GOLGA8J: variants seen among roughly 807,000 people sequenced by gnomAD.
The protein encoded by GOLGA8J is golgin A8 family member J, also known as golgin subfamily A member 8J.
In GOLGA8J, 19 loss-of-function variants were observed where a neutral mutation model predicts 67.7. The observed-to-expected ratio is 0.28, with a 90% CI of 0.20 to 0.41. The LOEUF (loss-of-function observed/expected upper bound fraction) is 0.41, where lower values mean the gene tolerates loss of function less well. Ranked by LOEUF, GOLGA8J falls within the 10% of genes least tolerant of loss-of-function variation. GOLGA8J has a pLI of 1.00. For missense variants in GOLGA8J, 205 were observed against 584.3 expected (o/e 0.35, Z 6.69); for synonymous variants, 69 against 215.9 (o/e 0.32, Z 5.97).
intron 2 of GOLGA8J, 151 bp downstream of exon 2, chr15:30,085,041 G>A (rs945853934): frequency 9.2e-6 from 1 of 108,482 alleles, no homozygotes; most frequent in African/African-American, 7.4e-5. Context: ...CTAGCACTTT[G>A]GGAGGCCAAG....
chr15:30,092,316 G>A (rs1257986189), intron 15 of GOLGA8J, among the ~76,000 whole-genome samples, 183 bp downstream of exon 15: 1 of 140,806 alleles, frequency 7.1e-6, no homozygotes, highest in Admixed American at 7.0e-5. Flanking sequence ...CCAAGGGAAG[G>A]GGTTGCGCTC....
chr15:30,089,873 C>T lies in GOLGA8J; in HGVS notation c.1048C>T (p.Leu350Phe), dbSNP rs1285338446. The change falls in exon 12 of 19, where the codon CTT (leucine) becomes TTT (phenylalanine). Residue 350 changes from leucine to phenylalanine, a missense_variant. Coordinates refer to ENST00000567927, the MANE Select transcript of GOLGA8J (RefSeq NM_001282472.2). ...EERIREQEER[L>F]RKQEERIQEQ... ...GAGGATTCGGGAGCAGGAAGAGAGGCTTCGGAAGCAGGAGGAGAGGATTCA... is the reference window on the plus strand; with the variant it reads ...GAGGATTCGGGAGCAGGAAGAGAGGTTTCGGAAGCAGGAGGAGAGGATTCA... 16 of 1,536,746 alleles carry T rather than the reference C, an allele frequency of 1.0e-5. 1 individual carries two copies. Among genetic ancestry groups the T allele is most frequent in the South Asian group, 8.2e-5 (7 of 85,266 alleles).
chr15:30,088,110 T>C (rs2057355925), intron 8 of GOLGA8J: 1 of 419,444 alleles, frequency 2.4e-6, no homozygotes, highest in Non-Finnish European at 4.5e-6. Flanking sequence ...AAAACATGTC[T>C]GCAAGGGTTC....
rs1280710410 is a variant in GOLGA8J at position 30,094,197 on chromosome 15, G to A, written c.*698G>A. 3.6e-4 allele frequency among the ~76,000 whole-genome samples: 51 copies of A among 142,754 alleles called. 7 individuals are homozygous for A. Among genetic ancestry groups the A allele is most frequent in the African/African-American group, 1.4e-3 (47 of 34,364 alleles). 93.7% of individuals were successfully genotyped at this position (142,754 alleles called of 152,430 possible). ...GGATAGAGTGTGTTTCATCTGTTCC[G>A]GTGCCCGGAATTAGCAGTGTATTAT... On this transcript the variant is annotated 3_prime_UTR_variant, in exon 19 of 19. Coordinates refer to ENST00000567927, the MANE Select transcript of GOLGA8J (RefSeq NM_001282472.2).
intron 13 of GOLGA8J, 124 bp downstream of exon 13, chr15:30,090,404 C>G (rs570273774): frequency 6.5e-7 from 1 of 1,528,666 alleles, no homozygotes; most frequent in South Asian, 1.2e-5. Flanking sequence ...CACAGCACCC[C>G]CCAGGGCAGT....
intron 1 of GOLGA8J, 21 bp from the exon 2 acceptor site, chr15:30,084,750 T>G: frequency 9.9e-7 from 1 of 1,010,622 alleles, no homozygotes; most frequent in East Asian, 2.8e-5. Context: ...TCATGAGTAT[T>G]ACTGCTCTTC....
At chr15:30,084,229 C>CATGAATG (rs1357633249) in intron 1 of GOLGA8J, among the ~76,000 whole-genome samples, 1 of 116,974 alleles carries the variant, frequency 8.5e-6, no homozygotes, top group African/African-American at 4.6e-5. Context: ...AGAGAAAAAA[C>CATGAATG]ATGAATGTAC....
Position 30,084,961 on chromosome 15 carries a change from G to T in GOLGA8J, c.168+71G>T, listed in dbSNP as rs1318086778. 26 of 1,476,070 alleles carry T rather than the reference G, an allele frequency of 1.8e-5. 1 individual carries two copies. Among genetic ancestry groups the T allele is most frequent in the Non-Finnish European group, 1.3e-5 (15 of 1,128,634 alleles). 91.4% of individuals were successfully genotyped at this position (1,476,070 alleles called of 1,614,324 possible). A position where few individuals can be genotyped will look rare whatever the true frequency, so the allele number is the denominator to read the frequency against. On this transcript the variant is annotated intron_variant, in intron 2 of 18. Coordinates refer to ENST00000567927, the MANE Select transcript of GOLGA8J (RefSeq NM_001282472.2). Reference sequence around the variant, plus strand: ...GCAGTAGAGGGTAATTGTTAAGATTGTGGATGGACTGCTGGGTACTGGTTA... The same window carrying T: ...GCAGTAGAGGGTAATTGTTAAGATTTTGGATGGACTGCTGGGTACTGGTTA...
chr15:30,094,460 T>C lies in GOLGA8J; in HGVS notation c.*961T>C, dbSNP rs2057448708. On this transcript the variant is annotated 3_prime_UTR_variant, in exon 19 of 19. Coordinates refer to ENST00000567927, the MANE Select transcript of GOLGA8J (RefSeq NM_001282472.2). ...TTAATCACATGACTACATGTCCCAG[T>C]ACACAAAAGGGCACTGGTTGGCATT... Among the ~76,000 whole-genome samples the C allele has an allele frequency of 7.1e-6, 1 of 140,664 alleles. No homozygotes were observed. Among genetic ancestry groups the C allele is most frequent in the South Asian group, 2.2e-4 (1 of 4,578 alleles). The allele number at this position is 140,664 out of a possible 152,430, so 92.3% of individuals were successfully genotyped here. A position where few individuals can be genotyped will look rare whatever the true frequency, so the allele number is the denominator to read the frequency against.
At chr15:30,090,420 G>A in intron 13 of GOLGA8J, 140 bp downstream of exon 13, 1 of 1,521,666 alleles carries the variant, frequency 6.6e-7, no homozygotes, top group South Asian at 1.2e-5. Context: ...GCAGTCCTGT[G>A]ACTGTTTCTT....
chr15:30,092,527 A>G, intron 15 of GOLGA8J, 181 bp from the exon 16 acceptor site: 1 of 949,036 alleles, frequency 1.1e-6, no homozygotes, highest in Non-Finnish European at 1.2e-6. Flanking sequence ...AGAGGCAGCC[A>G]GAGGCCCTGG....
intron 13 of GOLGA8J, among the ~76,000 whole-genome samples, chr15:30,090,726 G>A (rs1392030377): frequency 1.1e-4 from 14 of 130,756 alleles, no homozygotes; most frequent in Non-Finnish European, 1.9e-4. Flanking sequence ...ACATTGTGGC[G>A]CATGCCTGTA....
chr15:30,088,615 C>T lies in GOLGA8J; in HGVS notation c.592-125C>T, dbSNP rs1368149892. 6 of 839,698 alleles carry T rather than the reference C, an allele frequency of 7.1e-6. No individual in the cohort carries two copies. In the East Asian group the frequency reaches 1.6e-4, roughly 22 times the overall value. The allele number at this position is 839,698 out of a possible 1,614,324, so 52.0% of individuals were successfully genotyped here. ...GTTCTTTTAAAAACCAGACCACGGG[C>T]TTGGAAATGCCTTGATCTTTACTGA... On this transcript the variant is annotated intron_variant, in intron 8 of 18. Transcript: ENST00000567927.
chr15:30,091,978 G>C, intron 14 of GOLGA8J, 64 bp from the exon 15 acceptor site: 10 of 1,559,520 alleles, frequency 6.4e-6, no homozygotes, highest in Non-Finnish European at 8.7e-6. Context: ...GGTGGAGGTA[G>C]AGGTGGGCCC....
rs1253273679 is a variant in GOLGA8J at position 30,094,787 on chromosome 15, G to C, written c.*1288G>C. ...GAAACATTATTATAAACTAATATAT[G>C]TGAGATACTTAGTTGAAACAAAAAG... On this transcript the variant is annotated 3_prime_UTR_variant, in exon 19 of 19. Transcript: ENST00000567927. Among the ~76,000 whole-genome samples the C allele has an allele frequency of 2.2e-5, 3 of 134,502 alleles. No homozygotes were observed. The East Asian group carries it at 6.2e-4, about 28-fold the overall frequency. 88.2% of individuals were successfully genotyped at this position (134,502 alleles called of 152,430 possible). A position where few individuals can be genotyped will look rare whatever the true frequency, so the allele number is the denominator to read the frequency against.
chr15:30,091,300 C>T (rs2057400158), intron 13 of GOLGA8J, among the ~76,000 whole-genome samples: 1 of 128,112 alleles, frequency 7.8e-6, no homozygotes, highest in Middle Eastern at 3.4e-3. Flanking sequence ...CTATCAGCAG[C>T]AGGTGGCCGC....
chr15:30,090,769 A>G (rs1421480025), intron 13 of GOLGA8J, among the ~76,000 whole-genome samples: 2 of 125,368 alleles, frequency 1.6e-5, no homozygotes, highest in East Asian at 4.4e-4. Flanking sequence ...AGGCACGAGA[A>G]TTGCTTCAAC....
chr15:30,089,691 C>T lies in GOLGA8J; in HGVS notation c.875-9C>T, dbSNP rs1392285678. ...TCCAGAGGCCCTTATTATCTGCTTC[C>T]TTTGTCAGCTGAACCCTTGCCCCCG... is the stretch of plus-strand genomic sequence containing the variant. On this transcript the variant is annotated splice_polypyrimidine_tract_variant and intron_variant, in intron 11 of 18. Coordinates refer to ENST00000567927, the MANE Select transcript of GOLGA8J (RefSeq NM_001282472.2). 5.9e-6 allele frequency: 9 copies of T among 1,538,130 alleles called. No individual in the cohort carries two copies. The highest frequency in any genetic ancestry group is 7.8e-6 in the Non-Finnish European group (9 of 1,148,794).
rs1220602092 is a variant in GOLGA8J, at chr15:30,092,081, C to A, written c.1316C>A (p.Ala439Glu). 1.1e-5 allele frequency: 18 copies of A among 1,593,784 alleles called. 1 individual carries two copies. The highest frequency in any genetic ancestry group is 1.5e-5 in the Non-Finnish European group (18 of 1,172,774). The change falls in exon 15 of 19, where the codon GCA (alanine) becomes GAA (glutamate). Residue 439 changes from alanine (A) to glutamate (E), a missense_variant. Coordinates refer to ENST00000567927, the MANE Select transcript of GOLGA8J (RefSeq NM_001282472.2). ...GEHLDSEGEEAPRPMPSVPED... is the reference protein window; with the variant it reads ...GEHLDSEGEEEPRPMPSVPED... ...CATCTGGACAGTGAGGGGGAGGAGG[C>A]ACCTCGGCCCATGCCGAGTGTCCCA...
Sources: gnomAD v4.1 joint callset for allele counts (sites outside exome capture counted in the v4.1 genomes callset) on GRCh38, gnomAD v4.1.1 for gene constraint, MANE v1.5 for transcripts, NCBI Gene and HGNC (gene_info 2026-07-23, HGNC 2026-07-21) for gene names.